The following CDH17 variants were observed in gnomAD, a reference collection of about 807,000 sequenced individuals.
CDH17 encodes cadherin-17.
In CDH17, 67 loss-of-function variants were observed where a neutral mutation model predicts 86.3. The ratio of observed to expected loss-of-function variants is 0.78; its 90% confidence interval spans 0.64 to 0.95. CDH17 has a LOEUF of 0.95. Among genes scored for constraint, CDH17 ranks in the 40% least tolerant of loss-of-function variants. The pLI is 0.00. For missense variants in CDH17, 993 were observed against 1,017.6 expected (o/e 0.98, Z 0.33); for synonymous variants, 367 against 366.4 (o/e 1.00, Z -0.02).
intron 2 of CDH17, among the ~76,000 whole-genome samples, chr8:94,192,483 T>A (rs1227011940): frequency 6.6e-6 from 1 of 152,112 alleles, no homozygotes; most frequent in East Asian, 1.9e-4. Flanking sequence ...GAAGAAAGTA[T>A]CTCCAGAGAA....
At chr8:94,195,239 G>T (rs1372615791) in intron 1 of CDH17, among the ~76,000 whole-genome samples, 1 of 152,150 alleles carries the variant, frequency 6.6e-6, no homozygotes, top group Non-Finnish European at 1.5e-5. Context: ...CTGACTTCAG[G>T]TGATCTGCCT....
intron 7 of CDH17, among the ~76,000 whole-genome samples, chr8:94,173,183 A>G (rs557059498): frequency 1.3e-5 from 2 of 152,256 alleles, no homozygotes; most frequent in East Asian, 1.9e-4. Context: ...GCAAAAGTAT[A>G]TATCTGATGT....
At chr8:94,171,170 T>C (rs1256526153) in intron 7 of CDH17, among the ~76,000 whole-genome samples, 185 bp from the exon 8 acceptor site, 1 of 152,196 alleles carries the variant, frequency 6.6e-6, no homozygotes, top group Non-Finnish European at 1.5e-5. Flanking sequence ...CACCAAGTTA[T>C]ATTGCTCGAA....
At chr8:94,175,799 T>C (rs1227557048) in intron 5 of CDH17, among the ~76,000 whole-genome samples, 1 of 151,748 alleles carries the variant, frequency 6.6e-6, no homozygotes, top group Non-Finnish European at 1.5e-5. Context: ...TCAATGGAGG[T>C]TCCTAAGAAG....
rs767315212 is a variant in CDH17, at chr8:94,170,516, T to C, written c.947A>G (p.Tyr316Cys). The C allele has an allele frequency of 1.2e-6, 2 of 1,613,926 alleles. No individual in the cohort carries two copies. The highest frequency in any genetic ancestry group is 3.3e-5 in the Admixed American group (2 of 60,014). The change falls in exon 9 of 18, where the codon TAC becomes TGC. Residue 316 changes from tyrosine (Y) to cysteine (C), a missense_variant. Transcript: ENST00000027335. The part of the protein sequence containing the change: ...YVFYAVAKDE[Y>C]GKPLSYPLEI... ...CAGCGGATATGAAAGTGGTTTTCCGTACTCATCCTTTGCAACTGCATAAAA... is the reference window on the plus strand; with the variant it reads ...CAGCGGATATGAAAGTGGTTTTCCGCACTCATCCTTTGCAACTGCATAAAA...
chr8:94,141,372 G>A (rs1222469066), intron 15 of CDH17, among the ~76,000 whole-genome samples: 1 of 151,858 alleles, frequency 6.6e-6, no homozygotes, highest in East Asian at 1.9e-4. Context: ...ATTTAATGGT[G>A]AAAGGCTAAA....
Position 94,131,868 on chromosome 8 carries a change from C to T in CDH17, c.2168-876G>A, listed in dbSNP as rs190485873. ...ACAGGCTCTGGTGTGTGATGTTCCC[C>T]GCCCTGTGACCAAGTGTTCTCATTG... On this transcript the variant is annotated intron_variant, in intron 15 of 17. Coordinates refer to ENST00000027335, the MANE Select transcript of CDH17 (RefSeq NM_004063.4). Among the ~76,000 whole-genome samples the T allele has an allele frequency of 5.2e-4, 79 of 152,224 alleles. 1 individual carries two copies. The East Asian group carries it at 7.3e-3, about 14-fold the overall frequency.
At chr8:94,174,292 A>AG in intron 5 of CDH17, 32 bp from the exon 6 acceptor site, 1 of 1,557,260 alleles carries the variant, frequency 6.4e-7, no homozygotes, top group Admixed American at 2.1e-5. Flanking sequence ...GAAAAAAAAA[A>AG]AAAAAGATAT....
At chr8:94,139,952 A>T (rs969450861) in intron 15 of CDH17, among the ~76,000 whole-genome samples, 1 of 152,166 alleles carries the variant, frequency 6.6e-6, no homozygotes, top group Admixed American at 6.5e-5. Flanking sequence ...TGAAAGAAAA[A>T]ATGTCTAAAT....
rs760146391 is a variant in CDH17 at position 94,170,995 on chromosome 8, C to G, written c.784-10G>C. ...GATCATTCCACCGCACCTACAGGGC[C>G]CAAAGTCAGTTGTGAGGAAAGCTGT... On this transcript the variant is annotated splice_polypyrimidine_tract_variant and intron_variant, in intron 7 of 17. Coordinates refer to ENST00000027335, the MANE Select transcript of CDH17 (RefSeq NM_004063.4). 1 of 1,611,748 alleles carries G rather than the reference C, an allele frequency of 6.2e-7. No individual in the cohort carries two copies. Among genetic ancestry groups the G allele is most frequent in the Non-Finnish European group, 8.5e-7 (1 of 1,178,878 alleles).
intron 2 of CDH17, among the ~76,000 whole-genome samples, chr8:94,191,091 A>T (rs933156517): frequency 6.6e-6 from 1 of 152,028 alleles, no homozygotes; most frequent in Non-Finnish European, 1.5e-5. Context: ...CAAGTGGCCC[A>T]GTTCTGGTTC....
chr8:94,173,685 C>A, intron 7 of CDH17, 112 bp downstream of exon 7: 1 of 821,280 alleles, frequency 1.2e-6, no homozygotes, highest in Non-Finnish European at 2.0e-6. Flanking sequence ...TATAATCATG[C>A]TATGAAAAAG....
intron 15 of CDH17, among the ~76,000 whole-genome samples, chr8:94,133,080 T>C (rs1487828813): frequency 6.6e-6 from 1 of 152,220 alleles, no homozygotes; most frequent in East Asian, 1.9e-4. Context: ...CCTTGTAGTA[T>C]AGTTTGAAGT....
At chr8:94,206,378 T>C (rs772010773) in intron 1 of CDH17, among the ~76,000 whole-genome samples, 1 of 152,196 alleles carries the variant, frequency 6.6e-6, no homozygotes, top group Non-Finnish European at 1.5e-5. Flanking sequence ...ACTAGCCCCA[T>C]TCTAAATCTG....
intron 3 of CDH17, among the ~76,000 whole-genome samples, chr8:94,181,979 G>A (rs1013993983): frequency 3.9e-5 from 6 of 152,018 alleles, no homozygotes; most frequent in African/African-American, 1.2e-4. Flanking sequence ...GAAACAAAAA[G>A]TATTAAAGAG....
intron 4 of CDH17, 41 bp from the exon 5 acceptor site, chr8:94,176,720 C>A: frequency 1.9e-6 from 3 of 1,577,448 alleles, no homozygotes; most frequent in Middle Eastern, 1.7e-4. Flanking sequence ...TGAGACTGAA[C>A]TTCATGTCAC....
chr8:94,160,896 A>G (rs1563574312), intron 11 of CDH17, among the ~76,000 whole-genome samples: 1 of 152,236 alleles, frequency 6.6e-6, no homozygotes, highest in Non-Finnish European at 1.5e-5. Context: ...TAGTGGGTCA[A>G]AGGGATTGGG....
intron 15 of CDH17, among the ~76,000 whole-genome samples, chr8:94,132,952 G>T (rs527328919): frequency 6.6e-6 from 1 of 151,982 alleles, no homozygotes; most frequent in African/African-American, 2.4e-5. Context: ...GTTTTTCTCC[G>T]GTTTGTCAAA....
intron 12 of CDH17, among the ~76,000 whole-genome samples, chr8:94,156,809 G>T (rs1045814496): frequency 1.3e-5 from 2 of 152,222 alleles, no homozygotes; most frequent in Non-Finnish European, 2.9e-5. Context: ...GCTGCTGGAT[G>T]CTGTGTTAGG....
Sources: allele counts gnomAD v4.1 joint callset (sites outside exome capture counted in the v4.1 genomes callset), GRCh38; gene constraint gnomAD v4.1.1; transcripts MANE v1.5; gene names NCBI Gene and HGNC (gene_info 2026-07-23, HGNC 2026-07-21).